Variants in CCNB3 observed in about 807,000 individuals in gnomAD.
The protein encoded by CCNB3 is cyclin B3.
In CCNB3, 12 loss-of-function variants were observed where a neutral mutation model predicts 68.0. That is an observed-to-expected ratio of 0.18 (90% CI 0.11 to 0.29). The LOEUF is 0.29. Ranked by LOEUF, CCNB3 falls within the 10% of genes least tolerant of loss-of-function variation. The pLI, the probability that CCNB3 is intolerant of heterozygous loss-of-function variation, is 1.00. For synonymous variants in CCNB3, 354 were observed against 388.9 expected (o/e 0.91, Z 1.06); for missense variants, 904 against 993.1 (o/e 0.91, Z 1.21).
At chrX:50,214,475 C>CATATATATATATATATATATATAT (rs1184201216) in intron 1 of CCNB3, among the ~76,000 whole-genome samples, 153 of 9,454 alleles carry the variant, frequency 0.016, 33 homozygotes, top group Non-Finnish European at 0.047. Context: ...AGCTGTGGCC[C>CATATATATATATATATATATATAT]ATATATATAT....
chrX:50,323,260 T>A (rs1339407236), intron 8 of CCNB3, among the ~76,000 whole-genome samples: 2 of 111,246 alleles, frequency 1.8e-5, no homozygotes, highest in Non-Finnish European at 1.9e-5. Context: ...TGAGTTCATG[T>A]CCTTTGTAGG....
At chrX:50,226,115 TATATATATTCGATATATATAA>T (rs1935762358) in intron 1 of CCNB3, among the ~76,000 whole-genome samples, 1 of 81,148 alleles carries the variant, frequency 1.2e-5, no homozygotes, top group Admixed American at 1.8e-4. Flanking sequence ...TGTATAAATA[TATATATATTCGATATATATAA>T]ATATATATTC....
intron 8 of CCNB3, among the ~76,000 whole-genome samples, chrX:50,329,355 A>G (rs1557217756): frequency 8.9e-6 from 1 of 112,793 alleles, no homozygotes; most frequent in African/African-American, 3.2e-5. Flanking sequence ...AGGTTTTTCC[A>G]TACATCCTCT....
chrX:50,228,647 T>C (rs1405944254), intron 1 of CCNB3, among the ~76,000 whole-genome samples: 3 of 80,542 alleles, frequency 3.7e-5, no homozygotes, highest in African/African-American at 9.2e-5. Flanking sequence ...ATAGAATATA[T>C]ATAGAATATA....
chrX:50,227,688 AAT>A (rs1935913906), intron 1 of CCNB3, among the ~76,000 whole-genome samples: 1 of 95,784 alleles, frequency 1.0e-5, no homozygotes, highest in Non-Finnish European at 2.0e-5. Flanking sequence ...TATATATATA[AAT>A]ATATATAGAG....
At chrX:50,317,543 T>TTATGTATGTACG (rs368314287) in intron 8 of CCNB3, among the ~76,000 whole-genome samples, 2 of 99,683 alleles carry the variant, frequency 2.0e-5, no homozygotes, top group African/African-American at 3.8e-5. Context: ...GTATTTAAAT[T>TTATGTATGTACG]TATGTATGTA....
At chrX:50,348,334 T>TG (rs1359563286) in intron 11 of CCNB3, among the ~76,000 whole-genome samples, 1 of 111,938 alleles carries the variant, frequency 8.9e-6, no homozygotes, top group Non-Finnish European at 1.9e-5. Context: ...TATGAAAAGT[T>TG]GGGGGTAAAA....
rs184544368 is a variant in CCNB3 at position 50,331,857 on chromosome X, T to C, written c.3517-10345T>C. Among the ~76,000 whole-genome samples the C allele has an allele frequency of 3.6e-3, 397 of 111,407 alleles. 3 individuals carry two copies. Among genetic ancestry groups the C allele is most frequent in the African/African-American group, 0.012 (376 of 30,699 alleles). ...TCCTAAGGCCACACGCTCCCCTTTT[T>C]TCCAGCGAGAATCAAGGGGATTGGT... is the stretch of plus-strand genomic sequence containing the variant. On this transcript the variant is annotated intron_variant, in intron 8 of 12. Transcript: ENST00000376042.
chrX:50,333,055 T>A (rs1384935414), intron 8 of CCNB3, among the ~76,000 whole-genome samples: 3 of 111,530 alleles, frequency 2.7e-5, no homozygotes, highest in Non-Finnish European at 5.6e-5. Flanking sequence ...TCCTGTTTCC[T>A]GACATACTTT....
intron 8 of CCNB3, among the ~76,000 whole-genome samples, chrX:50,331,630 A>T (rs1316687903): frequency 1.9e-4 from 21 of 111,610 alleles, no homozygotes. Flanking sequence ...ATTCCTCCAC[A>T]TACATAACAT....
chrX:50,204,461 G>T (rs1935315704), upstream of CCNB3: 1 of 108,671 alleles, frequency 9.2e-6, no homozygotes, highest in Non-Finnish European at 1.9e-5. Context: ...GACTGGTGGG[G>T]GTGCTTGGCA....
intron 11 of CCNB3, 63 bp from the exon 12 acceptor site, chrX:50,351,178 G>C: frequency 1.7e-6 from 2 of 1,170,370 alleles, no homozygotes; most frequent in Non-Finnish European, 2.3e-6. Context: ...ACTTGGGATA[G>C]CAGAGATGGA....
intron 1 of CCNB3, among the ~76,000 whole-genome samples, chrX:50,227,685 A>G (rs1332602513): frequency 9.7e-5 from 3 of 30,785 alleles, no homozygotes; most frequent in Non-Finnish European, 1.7e-4. Context: ...GAATATATAT[A>G]TAAATATATA....
chrX:50,334,937 G>A (rs1008964157), intron 8 of CCNB3, among the ~76,000 whole-genome samples: 3 of 111,844 alleles, frequency 2.7e-5, no homozygotes, highest in South Asian at 7.6e-4. Flanking sequence ...TCCAGGCTGC[G>A]CTCCCCTTTC....
intron 8 of CCNB3, among the ~76,000 whole-genome samples, chrX:50,335,628 T>C (rs1366586439): frequency 3.6e-5 from 4 of 112,093 alleles, no homozygotes; most frequent in Non-Finnish European, 7.5e-5. Context: ...GTACAGGGTC[T>C]TGGTTGACCA....
intron 10 of CCNB3, 32 bp from the exon 11 acceptor site, chrX:50,347,594 G>A (rs933350959): frequency 8.4e-7 from 1 of 1,186,058 alleles, no homozygotes; most frequent in East Asian, 3.0e-5. Flanking sequence ...TTTCTAAATT[G>A]ATTTCTGAGC....
At chrX:50,224,154 T>C (rs1468108600) in intron 1 of CCNB3, among the ~76,000 whole-genome samples, 3 of 111,894 alleles carry the variant, frequency 2.7e-5, no homozygotes, top group Non-Finnish European at 5.6e-5. Flanking sequence ...TTGAAAGTTT[T>C]TTTTCCTTCT....
rs782225716 is a variant in CCNB3 at position 50,307,625 on chromosome X, C to A, written c.336-880C>A. On this transcript the variant is annotated intron_variant, in intron 5 of 12. Transcript: ENST00000376042. The stretch of plus-strand genomic sequence containing the variant: ...ATCTAATTTTAGAACTTTTTCAATA[C>A]CCCCCGTCCACTAAATCCATACCTA... Among the ~76,000 whole-genome samples the A allele has an allele frequency of 7.7e-5, 8 of 103,686 alleles. No homozygotes were observed. The East Asian group carries it at 2.3e-3, about 30-fold the overall frequency. 90.0% of individuals were successfully genotyped at this position (103,686 alleles called of 115,157 possible).
chrX:50,323,912 G>A (rs1225134746), intron 8 of CCNB3, among the ~76,000 whole-genome samples: 1 of 112,392 alleles, frequency 8.9e-6, no homozygotes, highest in Non-Finnish European at 1.9e-5. Context: ...TCAATATATA[G>A]TGCCATTTTT....
Sources: allele counts gnomAD v4.1 joint callset (sites outside exome capture counted in the v4.1 genomes callset), GRCh38; gene constraint gnomAD v4.1.1; transcripts MANE v1.5; gene names NCBI Gene and HGNC (gene_info 2026-07-23, HGNC 2026-07-21).